Variants in TACC2 observed in about 807,000 individuals in gnomAD.
TACC2 encodes transforming acidic coiled-coil-containing protein 2.
TACC2 carries 137 observed loss-of-function variants against 227.3 expected under a neutral mutation model. The ratio of observed to expected loss-of-function variants is 0.60; its 90% CI spans 0.52 to 0.69. The LOEUF (loss-of-function observed/expected upper bound fraction) is 0.69. Ranked by LOEUF, TACC2 falls within the 30% of genes least tolerant of loss-of-function variation. TACC2 has a pLI of 0.00. For missense variants in TACC2, 3,470 were observed against 3,694.4 expected (o/e 0.94, Z 1.57); for synonymous variants, 1,523 against 1,487.5 (o/e 1.02, Z -0.55).
chr10:122,172,896 T>A (rs570513099), intron 7 of TACC2, among the ~76,000 whole-genome samples: 1 of 151,850 alleles, frequency 6.6e-6, no homozygotes, highest in African/African-American at 2.4e-5. Flanking sequence ...GAGCGCTGAG[T>A]TTGGACCCCC....
At position 122,143,696 on chromosome 10, in the gene TACC2, G is replaced by A. The variant is rs1251685959; in HGVS notation, c.5824G>A (p.Asp1942Asn). ...TCCCTCCTGCCCAGATCCGGCCAAGGACCTCAGCAGGTATTGCGCAAGTCC... is the reference window on the plus strand; with the variant it reads ...TCCCTCCTGCCCAGATCCGGCCAAGAACCTCAGCAGGTATTGCGCAAGTCC... ...STPSCPDPAK[D>N]LSRSSDSEEA... is the part of the protein sequence containing the mutation. Residue 1942 changes from aspartate to asparagine, a missense_variant, in exon 7 of 23, where the codon GAC becomes AAC. Asp to Asn is a conservative substitution (Grantham distance 23). This residue lies in a region of TACC2 where 1,924 missense variants were observed against 1,978.3 expected (regional missense o/e 0.97). Transcript: ENST00000369005. 3 of 1,613,968 alleles carry A rather than the reference G, an allele frequency of 1.9e-6. No individual in the cohort carries two copies. The South Asian group carries it at 3.3e-5, about 18-fold the overall frequency.
rs114482287 is a variant in TACC2, at chr10:122,211,176, G to T, written c.6751G>T (p.Gly2251Trp). Reference sequence around the variant, plus strand: ...AGGGGAGGTAACCCCATCGGATAGCGGGGGGCAAGAGGACTCTCCAGCCAA... The same window carrying T: ...AGGGGAGGTAACCCCATCGGATAGCTGGGGGCAAGAGGACTCTCCAGCCAA... ...EAGEVTPSDS[G>W]GQEDSPAKGL... The change falls in exon 9 of 23, where the codon GGG (glycine) becomes TGG (tryptophan). Residue 2251 changes from glycine (G) to tryptophan (W), a missense_variant. By Grantham distance (184) the Gly-to-Trp change is radical. Around this residue, in one of 10 missense-constraint regions of TACC2, gnomAD observed 593 missense variants for 636.6 expected, o/e 0.93. Transcript: ENST00000369005. 2.5e-5 allele frequency: 40 copies of T among 1,612,362 alleles called. No homozygotes were observed. In the African/African-American group the frequency reaches 3.7e-4, roughly 15 times the overall value.
At chr10:122,027,943 C>T (rs544393597) in intron 2 of TACC2, among the ~76,000 whole-genome samples, 3 of 151,790 alleles carry the variant, frequency 2.0e-5, no homozygotes, top group Non-Finnish European at 4.4e-5. Flanking sequence ...CGGGGTTTCA[C>T]CGTGTTAGCC....
In TACC2 at chr10:122,248,510, G is replaced by A. The variant is rs183625628; in HGVS notation, c.8393-133G>A. ...TGGGAGGGCTCTGGGGCGTGGGTTC[G>A]TCCCAAGGAAAAGCTGGGGTTTGAG... On this transcript the variant is annotated intron_variant, in intron 19 of 22. Coordinates refer to ENST00000369005, the MANE Select transcript of TACC2 (RefSeq NM_206862.4). 2.5e-4 allele frequency: 272 copies of A among 1,078,766 alleles called. No homozygotes were observed. In the African/African-American group the frequency reaches 3.0e-3, roughly 12 times the overall value. The allele number at this position is 1,078,766 out of a possible 1,614,324, so 66.8% of individuals were successfully genotyped here.
chr10:122,211,718 G>C lies in TACC2; in HGVS notation c.7283+10G>C. On this transcript the variant is annotated intron_variant, in intron 9 of 22. Coordinates refer to ENST00000369005, the MANE Select transcript of TACC2 (RefSeq NM_206862.4). Reference sequence around the variant, plus strand: ...AGACGCCCCTAAAGACGTAAGTTCAGGGGTGGAGGTGGTAAGGATCAGAGG... The same window carrying C: ...AGACGCCCCTAAAGACGTAAGTTCACGGGTGGAGGTGGTAAGGATCAGAGG... 3 of 1,534,198 alleles carry C rather than the reference G, an allele frequency of 2.0e-6. No individual in the cohort carries two copies. The highest frequency in any genetic ancestry group is 2.6e-6 in the Non-Finnish European group (3 of 1,146,520).
chr10:122,244,274 C>T (rs958035460), intron 19 of TACC2, among the ~76,000 whole-genome samples: 8 of 152,218 alleles, frequency 5.3e-5, no homozygotes, highest in Admixed American at 3.3e-4. Context: ...GGGGTACTCT[C>T]TGGGTGGCCC....
intron 5 of TACC2, among the ~76,000 whole-genome samples, chr10:122,108,618 G>T (rs1298496779): frequency 6.8e-6 from 1 of 147,706 alleles, no homozygotes; most frequent in Non-Finnish European, 1.5e-5. Context: ...GCTAATTTTT[G>T]TATGTTTAGT....
chr10:122,199,993 G>A (rs1049056563), intron 8 of TACC2, among the ~76,000 whole-genome samples: 1 of 152,204 alleles, frequency 6.6e-6, no homozygotes, highest in African/African-American at 2.4e-5. Context: ...CACCTTATAT[G>A]AGGATTTCAA....
At chr10:122,225,539 C>T (rs1318441417) in intron 12 of TACC2, among the ~76,000 whole-genome samples, 1 of 152,214 alleles carries the variant, frequency 6.6e-6, no homozygotes, top group Non-Finnish European at 1.5e-5. Flanking sequence ...TCCCCTTGTG[C>T]GTTGCTTAAA....
At chr10:122,204,079 G>C (rs1017359842) in intron 8 of TACC2, among the ~76,000 whole-genome samples, 1 of 150,920 alleles carries the variant, frequency 6.6e-6, no homozygotes, top group African/African-American at 2.5e-5. Flanking sequence ...AATCAGGCAG[G>C]GAGGTTGCAG....
chr10:122,082,512 GC>G, intron 3 of TACC2, 134 bp from the exon 4 acceptor site: 1 of 926,736 alleles, frequency 1.1e-6, no homozygotes, highest in Non-Finnish European at 1.6e-6. Flanking sequence ...AGAGGAATGA[GC>G]TGCATGAGGA....
intron 7 of TACC2, among the ~76,000 whole-genome samples, chr10:122,171,888 C>T (rs548523099): frequency 6.6e-6 from 1 of 152,340 alleles, no homozygotes; most frequent in East Asian, 1.9e-4. Flanking sequence ...TGTCTTTGCT[C>T]TGAAGTATTT....
chr10:122,068,818 C>T (rs1280993396), intron 3 of TACC2, among the ~76,000 whole-genome samples: 2 of 151,350 alleles, frequency 1.3e-5, no homozygotes, highest in Admixed American at 6.6e-5. Context: ...CGCGCTCCAC[C>T]ACACCTGGCA....
chr10:122,219,018 CAAAA>C (rs61446434), intron 11 of TACC2, among the ~76,000 whole-genome samples: 3 of 74,684 alleles, frequency 4.0e-5, no homozygotes, highest in African/African-American at 5.2e-5. Flanking sequence ...AGACTCGTCT[CAAAA>C]AAAAAAAAAA....
intron 7 of TACC2, among the ~76,000 whole-genome samples, chr10:122,172,372 C>T (rs1039601913): frequency 1.8e-4 from 27 of 152,138 alleles, no homozygotes; most frequent in Admixed American, 6.5e-4. Context: ...TGCAGCAGTC[C>T]TGTGCCAGCA....
chr10:122,182,408 A>G (rs1384751563), intron 7 of TACC2, among the ~76,000 whole-genome samples: 2 of 152,108 alleles, frequency 1.3e-5, no homozygotes, highest in African/African-American at 4.8e-5. Context: ...CTTGGCTCCC[A>G]CCAGGAGCTC....
rs1339381157 is a variant in TACC2, at chr10:122,060,999, TCAAA to T, written c.146+10450_146+10453del. 2.1e-3 allele frequency among the ~76,000 whole-genome samples: 13 copies of T among 6,150 alleles called. 1 individual carries two copies. The highest frequency in any genetic ancestry group is 0.021 in the East Asian group (2 of 94). 4.0% of individuals were successfully genotyped at this position (6,150 alleles called of 152,430 possible). A position where few individuals can be genotyped will look rare whatever the true frequency, so the allele number is the denominator to read the frequency against. ...CAGCCTGGGCAACAGAGACTCCATC[TCAAA>T]AAAAAAAAAAAAAAAAGGGGGGGGG... On this transcript the variant is annotated intron_variant, in intron 3 of 22. Transcript: ENST00000369005.
At chr10:122,054,344 G>T (rs1461643268) in intron 3 of TACC2, among the ~76,000 whole-genome samples, 4 of 152,158 alleles carry the variant, frequency 2.6e-5, no homozygotes, top group Non-Finnish European at 4.4e-5. Context: ...GCCTCCTAGG[G>T]TGAAGCTTAA....
intron 1 of TACC2, among the ~76,000 whole-genome samples, chr10:122,020,188 G>C (rs984121177): frequency 6.6e-6 from 1 of 152,078 alleles, no homozygotes; most frequent in Admixed American, 6.5e-5. Context: ...TAACTGATAA[G>C]GCAGTGATTC....
Sources: allele counts gnomAD v4.1 joint callset (sites outside exome capture counted in the v4.1 genomes callset), GRCh38; gene constraint gnomAD v4.1.1; regional missense constraint gnomAD v4.1.1; transcripts MANE v1.5; gene names NCBI Gene and HGNC (gene_info 2026-07-23, HGNC 2026-07-21).